UNC13C: variants seen among roughly 807,000 people sequenced by gnomAD.
UNC13C encodes the protein unc-13 homolog C, also known as protein unc-13 homolog C.
UNC13C carries 174 observed loss-of-function variants against 245.4 expected under a neutral mutation model. That is an observed-to-expected ratio of 0.71 (90% CI 0.63 to 0.80). UNC13C has a LOEUF of 0.80. UNC13C is among the 30% of genes least tolerant of loss of function. The pLI is 0.00. For missense variants in UNC13C, 2,829 were observed against 2,602.9 expected, an observed-to-expected ratio of 1.09 and a Z score of -1.89; for synonymous variants, 992 against 895.1, an observed-to-expected ratio of 1.11 and a Z score of -1.93.
chr15:54,164,334 T>C (rs60894026), intron 4 of UNC13C, among the ~76,000 whole-genome samples: 1 of 152,328 alleles, frequency 6.6e-6, no homozygotes, highest in African/African-American at 2.4e-5. Context: ...TATGTAGACA[T>C]AAAATTTGGC....
chr15:54,328,704 C>T (rs1432047414), intron 14 of UNC13C, among the ~76,000 whole-genome samples: 3 of 152,022 alleles, frequency 2.0e-5, no homozygotes, highest in South Asian at 2.1e-4. Flanking sequence ...TGAAGGTGCA[C>T]ACTCCGAGGA....
chr15:54,609,399 G>T (rs886688990), intron 30 of UNC13C: 1 of 152,136 alleles, frequency 6.6e-6, no homozygotes, highest in African/African-American at 2.4e-5. Flanking sequence ...GCTGCTTGGC[G>T]GGGTGGATAA....
intron 4 of UNC13C, among the ~76,000 whole-genome samples, chr15:54,160,375 CCCT>C (rs1223294634): frequency 2.0e-5 from 3 of 148,774 alleles, no homozygotes; most frequent in Non-Finnish European, 4.5e-5. Flanking sequence ...TGTTATTACA[CCCT>C]CCTAACAATG....
chr15:54,571,220 T>C (rs1303990362), intron 30 of UNC13C, among the ~76,000 whole-genome samples: 1 of 152,198 alleles, frequency 6.6e-6, no homozygotes, highest in African/African-American at 2.4e-5. Flanking sequence ...TTTAATGGAC[T>C]CACAGTTCAG....
intron 2 of UNC13C, among the ~76,000 whole-genome samples, chr15:54,106,728 A>T (rs1900466105): frequency 6.6e-6 from 1 of 152,226 alleles, no homozygotes; most frequent in African/African-American, 2.4e-5. Flanking sequence ...CATTTAATAG[A>T]TACCTACTAT....
chr15:54,410,588 G>GT (rs1264098691), intron 18 of UNC13C, among the ~76,000 whole-genome samples: 5 of 152,088 alleles, frequency 3.3e-5, no homozygotes, highest in Non-Finnish European at 4.4e-5. Flanking sequence ...TGACTAGCCA[G>GT]TTATCCCAGC....
At position 54,622,385 on chromosome 15, in the gene UNC13C, C is replaced by A; in HGVS notation, c.6165C>A (p.Thr2055=). The A allele has an allele frequency of 5.6e-6, 9 of 1,613,184 alleles. No individual in the cohort carries two copies. Among genetic ancestry groups the A allele is most frequent in the Non-Finnish European group, 7.6e-6 (9 of 1,179,430 alleles). The change falls in exon 31 of 33, where the codon ACC becomes ACA. Residue 2055 remains threonine, a synonymous_variant. Coordinates refer to ENST00000260323, the MANE Select transcript of UNC13C (RefSeq NM_001080534.3). ...CTGTTCATGTGGACATCACTGCCACCCCAGGAACGGGAGATCATAAAGTCA... is the reference window on the plus strand; with the variant it reads ...CTGTTCATGTGGACATCACTGCCACACCAGGAACGGGAGATCATAAAGTCA... ...QISVHVDITA[T]PGTGDHKVTV...
intron 30 of UNC13C, among the ~76,000 whole-genome samples, chr15:54,604,266 T>C (rs1596656840): frequency 6.6e-6 from 1 of 152,202 alleles, no homozygotes; most frequent in East Asian, 1.9e-4. Context: ...AAAGAATGTA[T>C]AATTTCCCAC....
the UNC13C span, among the ~76,000 whole-genome samples, chr15:53,924,904 A>C: frequency 2.6e-5 from 4 of 151,700 alleles, no homozygotes; most frequent in East Asian, 8.1e-4. Flanking sequence ...TGTTGTTTAT[A>C]AACTATGTGT....
At chr15:54,355,402 G>T (rs113045112) in intron 17 of UNC13C, among the ~76,000 whole-genome samples, 1 of 151,760 alleles carries the variant, frequency 6.6e-6, no homozygotes, top group East Asian at 1.9e-4. Context: ...TATCACCCAG[G>T]GTGGAGTGCC....
intron 19 of UNC13C, among the ~76,000 whole-genome samples, chr15:54,422,913 T>A (rs1031593188): frequency 2.0e-5 from 3 of 150,696 alleles, no homozygotes; most frequent in African/African-American, 7.3e-5. Flanking sequence ...CATGTTTTGG[T>A]CACAATCCAA....
chr15:54,370,853 A>T (rs890076434), intron 17 of UNC13C, among the ~76,000 whole-genome samples: 1 of 152,178 alleles, frequency 6.6e-6, no homozygotes, highest in Non-Finnish European at 1.5e-5. Context: ...ATCCTTCATT[A>T]AAATATAATT....
At chr15:53,997,727 A>G (rs1894700352) in intron 1 of UNC13C, among the ~76,000 whole-genome samples, 1 of 152,106 alleles carries the variant, frequency 6.6e-6, no homozygotes, top group African/African-American at 2.4e-5. Context: ...TTATATCAGT[A>G]TCACTACTAC....
intron 13 of UNC13C, among the ~76,000 whole-genome samples, chr15:54,318,060 G>T (rs2038055443): frequency 1.3e-5 from 2 of 151,842 alleles, no homozygotes; most frequent in African/African-American, 2.4e-5. Flanking sequence ...CAAATGGCAG[G>T]ATTTCCTTCT....
At chr15:54,273,808 A>G (rs1286282369) in intron 10 of UNC13C, among the ~76,000 whole-genome samples, 8 of 152,112 alleles carry the variant, frequency 5.3e-5, no homozygotes, top group Admixed American at 5.2e-4. Context: ...TCTTGGATGT[A>G]CCCCTTGTGT....
In UNC13C at chr15:54,392,978, G is replaced by A. The variant is rs977428341; in HGVS notation, c.4714-70G>A. The A allele has an allele frequency of 1.4e-6, 2 of 1,397,100 alleles. 1 individual carries two copies. Among genetic ancestry groups the A allele is most frequent in the South Asian group, 3.8e-5 (2 of 53,276 alleles). The allele number at this position is 1,397,100 out of a possible 1,614,324, so 86.5% of individuals were successfully genotyped here. On this transcript the variant is annotated intron_variant, in intron 17 of 32. Coordinates refer to ENST00000260323, the MANE Select transcript of UNC13C (RefSeq NM_001080534.3). ...ATCATTTTTCTTTGATCTTCTATTT[G>A]ACAGTGACATCTAACTAAAGTCATC...
chr15:54,238,434 G>A (rs1473760834), intron 7 of UNC13C, among the ~76,000 whole-genome samples: 2 of 152,004 alleles, frequency 1.3e-5, no homozygotes, highest in Non-Finnish European at 2.9e-5. Flanking sequence ...AGTTGGCTTG[G>A]TATGAGTCCC....
the UNC13C span, among the ~76,000 whole-genome samples, chr15:53,838,523 T>C: frequency 2.4e-4 from 36 of 152,230 alleles, no homozygotes; most frequent in African/African-American, 8.4e-4. Flanking sequence ...TTAACTCATC[T>C]GTTGAGACAG....
At chr15:54,075,484 G>A (rs1486744435) in intron 2 of UNC13C, among the ~76,000 whole-genome samples, 3 of 131,472 alleles carry the variant, frequency 2.3e-5, no homozygotes, top group Non-Finnish European at 4.5e-5. Context: ...GCAGTGAGCC[G>A]GAGCTTGCAG....
Sources: gnomAD v4.1 joint callset for allele counts (sites outside exome capture counted in the v4.1 genomes callset) on GRCh38, gnomAD v4.1.1 for gene constraint, MANE v1.5 for transcripts, NCBI Gene and HGNC (gene_info 2026-07-23, HGNC 2026-07-21) for gene names.